CLEC16A: variants seen among roughly 807,000 people sequenced by gnomAD.
CLEC16A encodes the protein protein CLEC16A.
CLEC16A carries 51 observed loss-of-function variants against 109.5 expected under a neutral mutation model. That is an observed-to-expected ratio of 0.47 (90% CI 0.37 to 0.59). The LOEUF (loss-of-function observed/expected upper bound fraction) is 0.59. CLEC16A is among the 20% of genes least tolerant of loss of function. CLEC16A has a pLI of 0.00. For synonymous variants in CLEC16A, 673 were observed against 564.2 expected (o/e 1.19, Z -2.73); for missense variants, 1,339 against 1,394.0 (o/e 0.96, Z 0.63).
chr16:10,974,759 T>C (rs1771927969), intron 7 of CLEC16A, among the ~76,000 whole-genome samples: 1 of 152,240 alleles, frequency 6.6e-6, no homozygotes, highest in South Asian at 2.1e-4. Flanking sequence ...CAGTCATGGA[T>C]GCGAGACATA....
intron 2 of CLEC16A, among the ~76,000 whole-genome samples, chr16:10,959,695 A>ATT (rs771268992): frequency 6.7e-6 from 1 of 148,466 alleles, no homozygotes; most frequent in Non-Finnish European, 1.5e-5. Flanking sequence ...CCCAGCTGGA[A>ATT]TTTTTTTTTT....
chr16:11,063,277 C>CTTT (rs56409015), intron 19 of CLEC16A, among the ~76,000 whole-genome samples: 13 of 79,072 alleles, frequency 1.6e-4, no homozygotes, highest in African/African-American at 5.7e-4. Flanking sequence ...TTCTTCTTTC[C>CTTT]TTTTTTTTTT....
At chr16:11,071,913 A>G (rs1208050957) in intron 19 of CLEC16A, among the ~76,000 whole-genome samples, 1 of 151,812 alleles carries the variant, frequency 6.6e-6, no homozygotes, top group Non-Finnish European at 1.5e-5. Flanking sequence ...CTTGAGTGTG[A>G]TAATGCCATT....
chr16:11,132,536 G>A, intron 22 of CLEC16A, among the ~76,000 whole-genome samples: 1 of 152,142 alleles, frequency 6.6e-6, no homozygotes. Context: ...ACAAGCTTTT[G>A]TTTGAACGCC....
chr16:11,056,211 A>G (rs552929082), intron 18 of CLEC16A, among the ~76,000 whole-genome samples: 10 of 152,232 alleles, frequency 6.6e-5, no homozygotes, highest in Middle Eastern at 3.4e-3. Flanking sequence ...CAGACCAACC[A>G]CGGGTCAAAT....
chr16:11,169,579 G>T (rs866927838), intron 23 of CLEC16A, among the ~76,000 whole-genome samples: 10 of 152,286 alleles, frequency 6.6e-5, no homozygotes, highest in South Asian at 2.1e-4. Context: ...GAGCCATCAC[G>T]CCTGGCCCTC....
intron 19 of CLEC16A, among the ~76,000 whole-genome samples, chr16:11,066,057 G>T (rs989593615): frequency 6.6e-6 from 1 of 152,186 alleles, no homozygotes; most frequent in Non-Finnish European, 1.5e-5. Flanking sequence ...GGACTCAGGG[G>T]CCAGACTGTG....
chr16:10,993,224 C>T (rs1353326197), intron 10 of CLEC16A, among the ~76,000 whole-genome samples: 1 of 152,012 alleles, frequency 6.6e-6, no homozygotes, highest in African/African-American at 2.4e-5. Flanking sequence ...CAAAAAAATA[C>T]AAAAATTAAC....
At chr16:11,042,156 T>A (rs1246817266) in intron 14 of CLEC16A, 98 bp from the exon 15 acceptor site, 1 of 847,772 alleles carries the variant, frequency 1.2e-6, no homozygotes, top group Admixed American at 2.1e-5. Context: ...AGTTGGTCTA[T>A]CATGTGACCT....
intron 7 of CLEC16A, among the ~76,000 whole-genome samples, chr16:10,976,714 C>T (rs1439702893): frequency 6.6e-6 from 1 of 152,220 alleles, no homozygotes; most frequent in Non-Finnish European, 1.5e-5. Context: ...CCCCCATCCC[C>T]AGCATGCTGT....
At chr16:11,055,676 C>T (rs1194195123) in intron 18 of CLEC16A, among the ~76,000 whole-genome samples, 1 of 143,638 alleles carries the variant, frequency 7.0e-6, no homozygotes, top group Non-Finnish European at 1.5e-5. Flanking sequence ...CAACCTGCTC[C>T]TCCTAGGTTC....
At chr16:11,132,957 G>C (rs902660670) in intron 22 of CLEC16A, among the ~76,000 whole-genome samples, 9 of 152,126 alleles carry the variant, frequency 5.9e-5, no homozygotes, top group Non-Finnish European at 1.2e-4. Flanking sequence ...GTCTTATTCA[G>C]GTCTGGTACC....
At chr16:11,164,956 G>A (rs930385008) in intron 22 of CLEC16A, among the ~76,000 whole-genome samples, 1 of 152,164 alleles carries the variant, frequency 6.6e-6, no homozygotes, top group African/African-American at 2.4e-5. Flanking sequence ...GAATGCATTC[G>A]CTTGAGGAGT....
intron 11 of CLEC16A, among the ~76,000 whole-genome samples, chr16:11,011,953 A>C (rs1192176263): frequency 6.6e-6 from 1 of 152,158 alleles, no homozygotes; most frequent in Non-Finnish European, 1.5e-5. Context: ...TAAAAGCTTC[A>C]GAATTGCTTC....
chr16:11,015,941 C>T (rs1221260408), intron 11 of CLEC16A, among the ~76,000 whole-genome samples: 1 of 152,186 alleles, frequency 6.6e-6, no homozygotes, highest in East Asian at 1.9e-4. Context: ...GGCTGGGAGA[C>T]GAGGAGGAGG....
chr16:11,022,053 T>A (rs1219923961), intron 12 of CLEC16A, among the ~76,000 whole-genome samples: 2 of 151,986 alleles, frequency 1.3e-5, no homozygotes, highest in Non-Finnish European at 2.9e-5. Flanking sequence ...TTTCTTAGAG[T>A]TGATTGAGAT....
chr16:10,964,687 G>A (rs1160176612), intron 3 of CLEC16A, among the ~76,000 whole-genome samples: 1 of 152,172 alleles, frequency 6.6e-6, no homozygotes, highest in Non-Finnish European at 1.5e-5. Flanking sequence ...AGATGGGGGT[G>A]GGGCGATCAA....
At chr16:11,107,452 G>A (rs2051292066) in intron 19 of CLEC16A, among the ~76,000 whole-genome samples, 1 of 152,222 alleles carries the variant, frequency 6.6e-6, no homozygotes, top group Non-Finnish European at 1.5e-5. Context: ...TTGCTGGGTT[G>A]ATGGAGAAAT....
chr16:10,945,650 G>C (rs371760596), intron 1 of CLEC16A, among the ~76,000 whole-genome samples: 1 of 152,132 alleles, frequency 6.6e-6, no homozygotes, highest in Non-Finnish European at 1.5e-5. Flanking sequence ...AATGGGGATC[G>C]TGAACATTGT....
Sources: allele counts gnomAD v4.1 joint callset (sites outside exome capture counted in the v4.1 genomes callset), GRCh38; gene constraint gnomAD v4.1.1; transcripts MANE v1.5; gene names NCBI Gene and HGNC (gene_info 2026-07-23, HGNC 2026-07-21).